UNC80: variants seen among roughly 807,000 people sequenced by gnomAD.
The protein encoded by UNC80 is protein unc-80 homolog.
In UNC80, 164 loss-of-function variants were observed where a neutral mutation model predicts 384.6. That is an observed-to-expected ratio of 0.43 (90% CI 0.38 to 0.49). The LOEUF (loss-of-function observed/expected upper bound fraction) is 0.49. Among genes scored for constraint, UNC80 ranks in the 20% least tolerant of loss-of-function variants. The pLI, the probability that UNC80 is intolerant of heterozygous loss-of-function variation, is 0.00. For missense variants in UNC80, 3,330 were observed against 4,143.0 expected (o/e 0.80, Z 5.39); for synonymous variants, 1,486 against 1,527.8 (o/e 0.97, Z 0.64).
In UNC80 at chr2:209,855,858, T is replaced by C. The variant is rs533652814; in HGVS notation, c.3627+6235T>C. On this transcript the variant is annotated intron_variant, in intron 22 of 64. Transcript: ENST00000673920. ...TACTCATGAATGGTATTCATTTGTT[T>C]GAACATACCACAATTTATATGTCCA... Among the ~76,000 whole-genome samples, 16 of 152,290 alleles carry C rather than the reference T, an allele frequency of 1.1e-4. No individual in the cohort carries two copies. The South Asian group carries it at 2.9e-3, about 28-fold the overall frequency.
intron 32 of UNC80, among the ~76,000 whole-genome samples, chr2:209,918,228 C>T (rs1448151401): frequency 6.6e-6 from 1 of 152,172 alleles, no homozygotes; most frequent in Non-Finnish European, 1.5e-5. Flanking sequence ...GGGGAATTAT[C>T]TTCTAAACAT....
chr2:209,928,663 T>C (rs2090618780), intron 36 of UNC80, among the ~76,000 whole-genome samples: 1 of 152,182 alleles, frequency 6.6e-6, no homozygotes, highest in East Asian at 1.9e-4. Context: ...TCAAACAGTA[T>C]TTCTTTGTGT....
chr2:209,835,627 G>T (rs933438948), intron 18 of UNC80, among the ~76,000 whole-genome samples: 4 of 152,182 alleles, frequency 2.6e-5, no homozygotes, highest in African/African-American at 9.6e-5. Flanking sequence ...TTCTATGCAA[G>T]TTTTATTTGT....
rs114815857 is a variant in UNC80, at chr2:209,964,400, G to A, written c.7806-3037G>A. On this transcript the variant is annotated intron_variant, in intron 51 of 64. Transcript: ENST00000673920. ...TAGGCCCTGGATTTAACTTCCAATC[G>A]AATTAAATACAAAGGCAGTAGGATA... 3.6e-3 allele frequency among the ~76,000 whole-genome samples: 544 copies of A among 152,190 alleles called. 2 individuals carry two copies. Among genetic ancestry groups the A allele is most frequent in the Non-Finnish European group, 5.2e-3 (355 of 68,006 alleles).
At chr2:209,776,107 T>C in intron 3 of UNC80, 62 bp downstream of exon 3, 8 of 1,602,322 alleles carry the variant, frequency 5.0e-6, no homozygotes, top group Non-Finnish European at 6.8e-6. Context: ...ACACTCATCA[T>C]AATAACCTGT....
intron 28 of UNC80, among the ~76,000 whole-genome samples, 189 bp from the exon 29 acceptor site, chr2:209,904,576 G>C (rs1477202204): frequency 1.3e-5 from 2 of 152,188 alleles, no homozygotes; most frequent in African/African-American, 4.8e-5. Flanking sequence ...AAGTATGAAT[G>C]GGGGGAGAAC....
intron 21 of UNC80, among the ~76,000 whole-genome samples, chr2:209,846,423 C>T (rs890547936): frequency 5.3e-5 from 8 of 151,820 alleles, no homozygotes; most frequent in Admixed American, 5.3e-4. Context: ...TTCAAGTAAT[C>T]AACACGTTTA....
Position 209,810,656 on chromosome 2 carries a change from C to T in UNC80, c.939-2924C>T, listed in dbSNP as rs1308875657. Reference sequence around the variant, plus strand: ...GGATTTGAAGTAATTTATGGAACTCCCTAATCTAATTTACTAACTAGAAAC... The same window carrying T: ...GGATTTGAAGTAATTTATGGAACTCTCTAATCTAATTTACTAACTAGAAAC... On this transcript the variant is annotated intron_variant, in intron 7 of 64. Coordinates refer to ENST00000673920, the MANE Select transcript of UNC80 (RefSeq NM_001371986.1). 1.1e-4 allele frequency among the ~76,000 whole-genome samples: 16 copies of T among 152,126 alleles called. No homozygotes were observed. The East Asian group carries it at 2.1e-3, about 20-fold the overall frequency.
At chr2:209,772,440 G>C (rs901033853) in intron 1 of UNC80, among the ~76,000 whole-genome samples, 1 of 152,054 alleles carries the variant, frequency 6.6e-6, no homozygotes, top group Non-Finnish European at 1.5e-5. Flanking sequence ...AGAGAGCCTG[G>C]GAAGAGGGGG....
At chr2:209,952,993 A>G (rs896142334) in intron 47 of UNC80, among the ~76,000 whole-genome samples, 2 of 152,098 alleles carry the variant, frequency 1.3e-5, no homozygotes, top group Admixed American at 1.3e-4. Context: ...CATAGCAAAA[A>G]CTCATTGGTA....
Position 209,926,844 on chromosome 2 carries a change from T to A in UNC80, c.5664T>A (p.Asp1888Glu). The A allele has an allele frequency of 4.5e-6, 7 of 1,551,928 alleles. No homozygotes were observed. The highest frequency in any genetic ancestry group is 1.4e-5 in the African/African-American group (1 of 73,114). The change falls in exon 36 of 65, where the codon GAT becomes GAA. Residue 1888 changes from aspartate to glutamate, a missense_variant and splice_region_variant. Coordinates refer to ENST00000673920, the MANE Select transcript of UNC80 (RefSeq NM_001371986.1). Reference protein sequence around the residue: ...WSVRSAVSAEDEEHTTEHTPN... With the variant: ...WSVRSAVSAEEEEHTTEHTPN... ...CCCTGATTTTGTCTCCCATTTTAGA[T>A]GAGGAACATACCACTGAACACACGC...
intron 35 of UNC80, among the ~76,000 whole-genome samples, chr2:209,924,750 T>G (rs906535325): frequency 6.6e-6 from 1 of 151,942 alleles, no homozygotes; most frequent in African/African-American, 2.4e-5. Context: ...CTCAGACAGC[T>G]ACAATGTTAA....
chr2:209,954,117 T>C lies in UNC80; in HGVS notation c.7304T>C (p.Val2435Ala), dbSNP rs768137134. ...ESFRSLQMLMVLEALVPCYLQ... is the reference protein window; with the variant it reads ...ESFRSLQMLMALEALVPCYLQ... ...GCTTAAAGTCTTCAGATGCTGATGG[T>C]CTTAGAAGCCTTAGTTCCATGTTAC... Residue 2435 changes from valine to alanine, a missense_variant, in exon 48 of 65, where the codon GTC becomes GCC. This residue lies in a region of UNC80 where 1,049 missense variants were observed against 1,488.6 expected (regional missense o/e 0.70). Transcript: ENST00000673920. 7.7e-6 allele frequency: 12 copies of C among 1,549,798 alleles called. No homozygotes were observed. The highest frequency in any genetic ancestry group is 1.4e-5 in the African/African-American group (1 of 72,952).
intron 28 of UNC80, 21 bp downstream of exon 28, chr2:209,896,434 C>T: frequency 6.5e-7 from 1 of 1,533,534 alleles, no homozygotes; most frequent in East Asian, 2.5e-5. Context: ...ATCTCAGAAA[C>T]AGCCCTGAGA....
intron 29 of UNC80, among the ~76,000 whole-genome samples, chr2:209,906,233 G>A (rs991439215): frequency 6.6e-6 from 1 of 152,070 alleles, no homozygotes; most frequent in East Asian, 1.9e-4. Context: ...ATACCTTAGT[G>A]CTCACAAAGG....
intron 4 of UNC80, among the ~76,000 whole-genome samples, chr2:209,781,151 C>G (rs1210454335): frequency 6.6e-6 from 1 of 152,136 alleles, no homozygotes; most frequent in African/African-American, 2.4e-5. Context: ...ACCCATGCCT[C>G]CATATCCTCA....
rs781763972 is a variant in UNC80, at chr2:209,917,799, A to G, written c.5052A>G (p.Ala1684=). 14 of 1,552,020 alleles carry G rather than the reference A, an allele frequency of 9.0e-6. No individual in the cohort carries two copies. ...GAAAAMFLLC[A]VKVPEAVSDM... is the part of the protein sequence containing the mutation. ...TAGCTGCCATGTTCCTGCTGTGTGC[A>G]GTGAAGGTGCCTGAGGCCGTGTCCG... The change falls in exon 32 of 65, where the codon GCA becomes GCG. Residue 1684 remains alanine (A), a synonymous_variant. Transcript: ENST00000673920.
chr2:209,844,339 C>T (rs1354842860), intron 21 of UNC80, among the ~76,000 whole-genome samples: 2 of 152,180 alleles, frequency 1.3e-5, no homozygotes, highest in Admixed American at 6.5e-5. Context: ...GGGTCTCTCA[C>T]ATTTGGTGAA....
rs540764479 is a variant in UNC80, at chr2:209,872,980, C to T, written c.3840+10C>T. Reference sequence around the variant, plus strand: ...CTACCAATGGGGAGACGTGAGCTTTCGGTTTTCTTCTATAACAATTAGGTT... The same window carrying T: ...CTACCAATGGGGAGACGTGAGCTTTTGGTTTTCTTCTATAACAATTAGGTT... On this transcript the variant is annotated intron_variant, in intron 23 of 64. Coordinates refer to ENST00000673920, the MANE Select transcript of UNC80 (RefSeq NM_001371986.1). This position sits in a 1 kb window ranked among gnomAD's most constrained non-coding sequence, Gnocchi z 4.1. 1.4e-4 allele frequency: 214 copies of T among 1,550,740 alleles called. 1 individual carries two copies. Among genetic ancestry groups the T allele is most frequent in the Non-Finnish European group, 1.4e-4 (160 of 1,146,390 alleles).
Sources: allele counts gnomAD v4.1 joint callset (sites outside exome capture counted in the v4.1 genomes callset), GRCh38; gene constraint gnomAD v4.1.1; regional missense constraint gnomAD v4.1.1; non-coding constraint Gnocchi (gnomAD v3.1); transcripts MANE v1.5; gene names NCBI Gene and HGNC (gene_info 2026-07-23, HGNC 2026-07-21).